The following TASP1 variants were observed in gnomAD, a reference collection of about 807,000 sequenced individuals.
TASP1 encodes threonine aspartase 1.
Under a neutral mutation model 56.6 loss-of-function variants are expected in TASP1, and 16 were observed. The ratio of observed to expected loss-of-function variants is 0.28; its 90% CI spans 0.19 to 0.43. The LOEUF is 0.43. Among genes scored for constraint, TASP1 ranks in the 20% least tolerant of loss-of-function variants. TASP1 has a pLI of 1.00. For missense variants in TASP1, 393 were observed against 511.6 expected (o/e 0.77, Z 2.24); for synonymous variants, 179 against 184.2 (o/e 0.97, Z 0.23).
At chr20:13,290,045 T>C in the TASP1 span, among the ~76,000 whole-genome samples, 1 of 152,176 alleles carries the variant, frequency 6.6e-6, no homozygotes, top group Non-Finnish European at 1.5e-5. Flanking sequence ...TTGGAATGAA[T>C]GTGTATGTTA....
chr20:13,198,223 A>C, the TASP1 span, among the ~76,000 whole-genome samples: 1 of 151,870 alleles, frequency 6.6e-6, no homozygotes, highest in Non-Finnish European at 1.5e-5. Context: ...AAATAATGGG[A>C]ATTATTTTTC....
intron 4 of TASP1, among the ~76,000 whole-genome samples, chr20:13,605,569 G>T (rs2048118058): frequency 6.6e-6 from 1 of 151,922 alleles, no homozygotes. Context: ...AGTCCCAGCT[G>T]CTCGGGAGGG....
the TASP1 span, among the ~76,000 whole-genome samples, chr20:13,264,245 G>A: frequency 1.4e-4 from 22 of 152,198 alleles, no homozygotes; most frequent in South Asian, 6.2e-4. Context: ...GTTAATCTGG[G>A]GAATAGTTAC....
chr20:13,264,061 G>A, the TASP1 span, among the ~76,000 whole-genome samples: 44 of 152,120 alleles, frequency 2.9e-4, no homozygotes, highest in African/African-American at 8.9e-4. Context: ...CTAGGCCCTC[G>A]TTACCCAATG....
At chr20:13,294,761 G>A in the TASP1 span, among the ~76,000 whole-genome samples, 990 of 152,288 alleles carry the variant, frequency 6.5e-3, 11 homozygotes, top group African/African-American at 0.023. Flanking sequence ...GCAGCACCTC[G>A]ACACTCTTGG....
the TASP1 span, among the ~76,000 whole-genome samples, chr20:13,110,962 T>C: frequency 6.6e-6 from 1 of 152,050 alleles, no homozygotes; most frequent in Non-Finnish European, 1.5e-5. Flanking sequence ...AGGATAGACA[T>C]AGGATTTCTT....
At chr20:13,597,735 T>A (rs1251199962) in intron 4 of TASP1, among the ~76,000 whole-genome samples, 1 of 152,188 alleles carries the variant, frequency 6.6e-6, no homozygotes, top group East Asian at 1.9e-4. Context: ...AAAGAAGAAG[T>A]CAAATTGTCC....
At chr20:13,263,276 T>C in the TASP1 span, among the ~76,000 whole-genome samples, 1 of 152,066 alleles carries the variant, frequency 6.6e-6, no homozygotes, top group African/African-American at 2.4e-5. Context: ...GTGCAGTTTT[T>C]CCCCAGTGCA....
chr20:13,187,501 G>A, the TASP1 span, among the ~76,000 whole-genome samples: 3 of 151,964 alleles, frequency 2.0e-5, no homozygotes, highest in South Asian at 6.2e-4. Context: ...CATAATCCCA[G>A]CACTTTGGGA....
intron 11 of TASP1, among the ~76,000 whole-genome samples, chr20:13,450,457 T>G (rs2043576983): frequency 1.3e-5 from 2 of 152,160 alleles, no homozygotes; most frequent in Admixed American, 6.6e-5. Flanking sequence ...TCTCAAACCT[T>G]GAAGTTGCTT....
At chr20:13,318,452 T>G in the TASP1 span, among the ~76,000 whole-genome samples, 3 of 152,338 alleles carry the variant, frequency 2.0e-5, no homozygotes, top group East Asian at 5.8e-4. Context: ...ACGCTTACCA[T>G]AGGATCCAAC....
intron 11 of TASP1, among the ~76,000 whole-genome samples, chr20:13,469,321 C>A (rs891473954): frequency 6.6e-6 from 1 of 152,034 alleles, no homozygotes; most frequent in Non-Finnish European, 1.5e-5. Context: ...TCCAAATGTA[C>A]AAAATGTATG....
At chr20:13,364,929 T>G in the TASP1 span, among the ~76,000 whole-genome samples, 1 of 152,316 alleles carries the variant, frequency 6.6e-6, no homozygotes, top group Non-Finnish European at 1.5e-5. Context: ...TATTTTTTTT[T>G]TTCTGAGCCA....
chr20:13,116,459 AT>A, the TASP1 span, among the ~76,000 whole-genome samples: 1 of 152,114 alleles, frequency 6.6e-6, no homozygotes, highest in Admixed American at 6.6e-5. Context: ...TTACTGTCAG[AT>A]TTTTTTAATC....
the TASP1 span, among the ~76,000 whole-genome samples, chr20:13,269,768 T>A: frequency 6.6e-6 from 1 of 152,318 alleles, no homozygotes; most frequent in South Asian, 2.1e-4. Flanking sequence ...CAGTCACCGT[T>A]CTTTGATCTG....
chr20:13,283,879 T>A, the TASP1 span, among the ~76,000 whole-genome samples: 5 of 152,348 alleles, frequency 3.3e-5, no homozygotes, highest in East Asian at 7.7e-4. Context: ...TTTTCCTTTA[T>A]AATGTTTAAT....
intron 10 of TASP1, among the ~76,000 whole-genome samples, chr20:13,515,751 T>G (rs1012102093): frequency 6.6e-6 from 1 of 152,020 alleles, no homozygotes; most frequent in Non-Finnish European, 1.5e-5. Context: ...TCCCTGGGCA[T>G]CAATTTTTTC....
At chr20:13,393,665 C>A in intron 13 of TASP1, 2 of 1,305,650 alleles carry the variant, frequency 1.5e-6, no homozygotes, top group East Asian at 2.3e-5. Flanking sequence ...ACATGGCCTC[C>A]AAGGAATAAG....
At chr20:13,626,570 T>C (rs1346845097) in intron 2 of TASP1, among the ~76,000 whole-genome samples, 3 of 152,080 alleles carry the variant, frequency 2.0e-5, no homozygotes, top group Non-Finnish European at 4.4e-5. Flanking sequence ...GAGAAAGCAC[T>C]CACCCACGAA....
Sources: gnomAD v4.1 joint callset for allele counts (sites outside exome capture counted in the v4.1 genomes callset) on GRCh38, gnomAD v4.1.1 for gene constraint, MANE v1.5 for transcripts, NCBI Gene and HGNC (gene_info 2026-07-23, HGNC 2026-07-21) for gene names.